The following NONO variants were observed in gnomAD, a reference collection of about 807,000 sequenced individuals.
NONO encodes non-POU domain containing octamer binding, also known as non-POU domain-containing octamer-binding protein.
A neutral mutation model predicts 40.2 loss-of-function variants in NONO; 6 were observed. The ratio of observed to expected loss-of-function variants is 0.15; its 90% CI spans 0.08 to 0.29. The LOEUF (loss-of-function observed/expected upper bound fraction) is 0.29, where lower values mean the gene tolerates loss of function less well. NONO is among the 10% of genes least tolerant of loss of function. The pLI is 1.00. For missense variants in NONO, 133 were observed against 397.8 expected (o/e 0.33, Z 5.66); for synonymous variants, 89 against 123.3 (o/e 0.72, Z 1.85).
chrX:71,299,493 T>C (rs2031528116), intron 11 of NONO, among the ~76,000 whole-genome samples: 1 of 112,836 alleles, frequency 8.9e-6, no homozygotes, highest in African/African-American at 3.2e-5. Context: ...AGGCTAGGCA[T>C]TATCACATAA....
chrX:71,297,828 CTCTG>C lies in NONO; in HGVS notation c.1029-6_1029-3del. ...CTCTGTCTTAAATACATTGGTGACT[CTCTG>C]TAGGCAGGAGGAAGAGCGCAGGCGC... On this transcript the variant is annotated splice_region_variant and splice_polypyrimidine_tract_variant and intron_variant, in intron 8 of 11. Coordinates refer to ENST00000276079, the MANE Select transcript of NONO (RefSeq NM_007363.5). 1.7e-6 allele frequency: 2 copies of C among 1,193,520 alleles called. No individual in the cohort carries two copies. The highest frequency in any genetic ancestry group is 2.3e-6 in the Non-Finnish European group (2 of 879,764).
intron 7 of NONO, 57 bp downstream of exon 7, chrX:71,297,104 G>C (rs2031469527): frequency 6.0e-6 from 6 of 1,001,998 alleles, no homozygotes; most frequent in Non-Finnish European, 8.0e-6. Context: ...TTTTTAAATG[G>C]GTTTCTTTGT....
Position 71,300,401 on chromosome X carries a change from T to G in NONO, c.*325T>G, listed in dbSNP as rs986879893. On this transcript the variant is annotated 3_prime_UTR_variant, in exon 12 of 12. Coordinates refer to ENST00000276079, the MANE Select transcript of NONO (RefSeq NM_007363.5). ...TGATCATTCCGGTTTTTTTTTTTTTTGTCCATCTTGTTTCATTTGCTTGCC... is the reference window on the plus strand; with the variant it reads ...TGATCATTCCGGTTTTTTTTTTTTTGGTCCATCTTGTTTCATTTGCTTGCC... 7.0e-6 allele frequency: 2 copies of G among 287,287 alleles called. No individual in the cohort carries two copies. Among genetic ancestry groups the G allele is most frequent in the Non-Finnish European group, 1.2e-5 (2 of 164,067 alleles). 23.7% of individuals were successfully genotyped at this position (287,287 alleles called of 1,213,427 possible). A position where few individuals can be genotyped will look rare whatever the true frequency, so the allele number is the denominator to read the frequency against.
At chrX:71,297,328 G>C (rs2031474902) in intron 7 of NONO, 49 bp from the exon 8 acceptor site, 1 of 1,035,204 alleles carries the variant, frequency 9.7e-7, no homozygotes, top group African/African-American at 1.9e-5. Flanking sequence ...AAAGTCATTA[G>C]ATCTATATGA....
intron 2 of NONO, among the ~76,000 whole-genome samples, chrX:71,288,585 T>C (rs2031253807): frequency 8.9e-6 from 1 of 111,939 alleles, no homozygotes; most frequent in Admixed American, 9.5e-5. Flanking sequence ...AGAGATGGGG[T>C]TTCACCATGT....
intron 11 of NONO, 98 bp downstream of exon 11, chrX:71,298,914 A>G (rs767984732): frequency 3.4e-6 from 2 of 595,974 alleles, no homozygotes; most frequent in South Asian, 2.9e-5. Flanking sequence ...TCAGTTTGCT[A>G]TAGATAGCAG....
At chrX:71,294,149 A>G (rs1177633300) in intron 4 of NONO, 78 bp from the exon 5 acceptor site, 5 of 1,002,575 alleles carry the variant, frequency 5.0e-6, no homozygotes, top group Non-Finnish European at 6.9e-6. Context: ...ATATTGAACT[A>G]TACTGCTTTA....
At chrX:71,295,199 C>T (rs1396099979) in intron 5 of NONO, among the ~76,000 whole-genome samples, 2 of 72,100 alleles carry the variant, frequency 2.8e-5, no homozygotes, top group African/African-American at 5.7e-5. Flanking sequence ...TCCAGCCTGG[C>T]GATAGAGCAA....
intron 2 of NONO, among the ~76,000 whole-genome samples, chrX:71,288,021 T>A (rs978559371): frequency 2.8e-5 from 3 of 107,219 alleles, no homozygotes; most frequent in Non-Finnish European, 5.8e-5. Flanking sequence ...TTTTTTTTTT[T>A]TTTTTTATTT....
chrX:71,288,119 C>CTTTTTTTTTTTT (rs41517053), intron 2 of NONO, among the ~76,000 whole-genome samples: 38 of 53,854 alleles, frequency 7.1e-4, no homozygotes, highest in East Asian at 1.6e-3. Context: ...TTATTTTTAT[C>CTTTTTTTTTTTT]TTTTTTTTTT....
chrX:71,291,054 C>T (rs2031316339), intron 3 of NONO, among the ~76,000 whole-genome samples: 1 of 112,416 alleles, frequency 8.9e-6, no homozygotes, highest in African/African-American at 3.2e-5. Flanking sequence ...CATGTTTTAC[C>T]TCAGCTTGGT....
chrX:71,297,546 A>G (rs1164278595), intron 8 of NONO, 85 bp downstream of exon 8: 1 of 707,601 alleles, frequency 1.4e-6, no homozygotes, highest in African/African-American at 2.2e-5. Flanking sequence ...TACCTCGTGT[A>G]TTTATAAATG....
At chrX:71,295,499 C>T (rs2148037207) in intron 5 of NONO, among the ~76,000 whole-genome samples, 1 of 110,540 alleles carries the variant, frequency 9.0e-6, no homozygotes. Flanking sequence ...AAAAAAAAGA[C>T]TTTTGGTATT....
chrX:71,286,953 G>A (rs2031202424), intron 2 of NONO, among the ~76,000 whole-genome samples: 2 of 111,878 alleles, frequency 1.8e-5, no homozygotes, highest in Non-Finnish European at 3.8e-5. Context: ...CAGTTTTGGT[G>A]GGATGTGACA....
chrX:71,301,140 C>G lies in NONO; in HGVS notation c.*1064C>G, dbSNP rs2031586115. On this transcript the variant is annotated 3_prime_UTR_variant, in exon 12 of 12. Coordinates refer to ENST00000276079, the MANE Select transcript of NONO (RefSeq NM_007363.5). ...AAATGGAGCAGTAATGCAGCATCAACCTATTAAAATACATTTTAAGCCTTT... is the reference window on the plus strand; with the variant it reads ...AAATGGAGCAGTAATGCAGCATCAAGCTATTAAAATACATTTTAAGCCTTT... 7.3e-6 allele frequency: 1 copy of G among 136,485 alleles called. No individual in the cohort carries two copies. Among genetic ancestry groups the G allele is most frequent in the African/African-American group, 3.2e-5 (1 of 31,379 alleles). The allele number at this position is 136,485 out of a possible 1,213,427, so 11.2% of individuals were successfully genotyped here. A position where few individuals can be genotyped will look rare whatever the true frequency, so the allele number is the denominator to read the frequency against.
At chrX:71,295,777 G>A (rs1306007500) in intron 5 of NONO, among the ~76,000 whole-genome samples, 2 of 111,534 alleles carry the variant, frequency 1.8e-5, no homozygotes, top group African/African-American at 6.5e-5. Flanking sequence ...GGCGACAGAG[G>A]AAGACTCCGT....
chrX:71,283,648 G>A lies in NONO; in HGVS notation c.-140G>A, dbSNP rs1459812331. 9.0e-6 allele frequency: 1 copy of A among 111,334 alleles called. No homozygotes were observed. Among genetic ancestry groups the A allele is most frequent in the African/African-American group, 3.3e-5 (1 of 30,480 alleles). 9.2% of individuals were successfully genotyped at this position (111,334 alleles called of 1,213,427 possible). A position where few individuals can be genotyped will look rare whatever the true frequency, so the allele number is the denominator to read the frequency against. Reference sequence around the variant, plus strand: ...CTCCGTCGTCTCGTTTCCGGCGGTCGCGCGCTCTTTTCTCGGGACGGGAGA... The same window carrying A: ...CTCCGTCGTCTCGTTTCCGGCGGTCACGCGCTCTTTTCTCGGGACGGGAGA... On this transcript the variant is annotated 5_prime_UTR_variant, in exon 1 of 12. Coordinates refer to ENST00000276079, the MANE Select transcript of NONO (RefSeq NM_007363.5).
rs1308110389 is a variant in NONO, at chrX:71,294,084, A to G, written c.349-143A>G. On this transcript the variant is annotated intron_variant, in intron 4 of 11. Transcript: ENST00000276079. Reference sequence around the variant, plus strand: ...GGGTGGCCAAAGAGCTGAAGCACACAGTTAAGTTCTTTCACTTCTGTTTCT... The same window carrying G: ...GGGTGGCCAAAGAGCTGAAGCACACGGTTAAGTTCTTTCACTTCTGTTTCT... 4 of 598,912 alleles carry G rather than the reference A, an allele frequency of 6.7e-6. No individual in the cohort carries two copies. In the African/African-American group the frequency reaches 6.9e-5, roughly 10 times the overall value. 49.4% of individuals were successfully genotyped at this position (598,912 alleles called of 1,213,427 possible). A position where few individuals can be genotyped will look rare whatever the true frequency, so the allele number is the denominator to read the frequency against.
At chrX:71,291,405 G>GT (rs56948894) in intron 3 of NONO, among the ~76,000 whole-genome samples, 6,708 of 102,312 alleles carry the variant, frequency 0.066, 469 homozygotes, top group African/African-American at 0.21. Flanking sequence ...TTTGTTTTTT[G>GT]TTTTTTTTTT....
Sources: gnomAD v4.1 joint callset for allele counts (sites outside exome capture counted in the v4.1 genomes callset) on GRCh38, gnomAD v4.1.1 for gene constraint, MANE v1.5 for transcripts, NCBI Gene and HGNC (gene_info 2026-07-23, HGNC 2026-07-21) for gene names.